The following SCUBE1 variants were observed in gnomAD, a reference collection of about 807,000 sequenced individuals.
SCUBE1 encodes signal peptide, CUB and EGF-like domain-containing protein 1.
SCUBE1 carries 59 observed loss-of-function variants against 124.4 expected under a neutral mutation model. The ratio of observed to expected loss-of-function variants is 0.47; its 90% confidence interval spans 0.38 to 0.59. The LOEUF (loss-of-function observed/expected upper bound fraction) is 0.59. Among genes scored for constraint, SCUBE1 ranks in the 20% least tolerant of loss-of-function variants. SCUBE1 has a pLI of 0.00. For missense variants in SCUBE1, 1,150 were observed against 1,371.2 expected (o/e 0.84, Z 2.55); for synonymous variants, 545 against 550.9 (o/e 0.99, Z 0.15).
At chr22:43,281,698 T>C (rs1211568021) in intron 4 of SCUBE1, among the ~76,000 whole-genome samples, 2 of 152,152 alleles carry the variant, frequency 1.3e-5, no homozygotes, top group Non-Finnish European at 2.9e-5. Context: ...TGTCCCCATA[T>C]GGGTTCCAGA....
intron 3 of SCUBE1, among the ~76,000 whole-genome samples, chr22:43,292,595 A>ACACACT (rs1394593144): frequency 2.5e-4 from 38 of 149,872 alleles, no homozygotes; most frequent in Non-Finnish European, 2.5e-4. Context: ...ACACACACAC[A>ACACACT]CTCTTCGGTG....
chr22:43,204,958 AG>A (rs1003358957), intron 21 of SCUBE1, among the ~76,000 whole-genome samples: 5 of 151,590 alleles, frequency 3.3e-5, no homozygotes, highest in African/African-American at 1.2e-4. Context: ...AAAAAAAAAA[AG>A]ATTTTATTAA....
chr22:43,206,117 C>T (rs1921261724), intron 21 of SCUBE1, among the ~76,000 whole-genome samples: 1 of 139,526 alleles, frequency 7.2e-6, no homozygotes. Context: ...TCCACCACAC[C>T]CCCACCCACT....
chr22:43,268,822 C>T (rs1472173683), intron 4 of SCUBE1, among the ~76,000 whole-genome samples: 4 of 152,258 alleles, frequency 2.6e-5, no homozygotes, highest in South Asian at 4.1e-4. Flanking sequence ...GGGAGCGACA[C>T]GCTTGTGTGT....
At chr22:43,259,925 C>T (rs1183966151) in intron 5 of SCUBE1, among the ~76,000 whole-genome samples, 1 of 152,200 alleles carries the variant, frequency 6.6e-6, no homozygotes, top group East Asian at 1.9e-4. Context: ...GGAGCCGGCA[C>T]CCTGGATGAG....
chr22:43,295,212 A>G (rs886939498), intron 3 of SCUBE1, among the ~76,000 whole-genome samples: 1 of 152,092 alleles, frequency 6.6e-6, no homozygotes, highest in African/African-American at 2.4e-5. Context: ...ACCTCTCCAA[A>G]GCCCAGTGCT....
intron 2 of SCUBE1, 99 bp from the exon 3 acceptor site, chr22:43,320,164 A>T (rs1369841482): frequency 1.4e-6 from 2 of 1,440,674 alleles, no homozygotes; most frequent in Non-Finnish European, 1.9e-6. Flanking sequence ...TTAGGGGATG[A>T]TTCAACAAGT....
chr22:43,288,927 C>T (rs1925251362), intron 4 of SCUBE1, among the ~76,000 whole-genome samples: 1 of 152,228 alleles, frequency 6.6e-6, no homozygotes, highest in South Asian at 2.1e-4. Context: ...AACCCCAGTC[C>T]TGTAGGGGAC....
chr22:43,210,960 G>C lies in SCUBE1; in HGVS notation c.2345C>G (p.Thr782Arg). Residue 782 changes from threonine (T) to arginine (R), a missense_variant, in exon 18 of 22, where the codon ACA (threonine) becomes AGA (arginine). By Grantham distance (71) the Thr-to-Arg change is moderately conservative (BLOSUM62 -1). Coordinates refer to ENST00000360835, the MANE Select transcript of SCUBE1 (RefSeq NM_173050.5). This position sits in a 1 kb window ranked among gnomAD's most constrained non-coding sequence, Gnocchi z 4.5. ...HCITCPGNTS[T>R]DFDGSTNVTH... Reference sequence around the variant, plus strand: ...GACGTTGGTGGAGCCATCGAAGTCTGTGCTGGTGTTGCCCGGACAGGTGAT... The same window carrying C: ...GACGTTGGTGGAGCCATCGAAGTCTCTGCTGGTGTTGCCCGGACAGGTGAT... 6.2e-7 allele frequency: 1 copy of C among 1,614,134 alleles called. No individual in the cohort carries two copies. The highest frequency in any genetic ancestry group is 8.5e-7 in the Non-Finnish European group (1 of 1,180,024).
At chr22:43,332,008 C>T (rs142439302) in intron 2 of SCUBE1, among the ~76,000 whole-genome samples, 9 of 152,250 alleles carry the variant, frequency 5.9e-5, no homozygotes, top group Middle Eastern at 6.8e-3. Context: ...AAAAAATGGC[C>T]GGGTGCGGTG....
At chr22:43,337,387 G>A (rs985854285) in intron 2 of SCUBE1, among the ~76,000 whole-genome samples, 16 of 152,222 alleles carry the variant, frequency 1.1e-4, no homozygotes, top group Admixed American at 3.9e-4. Context: ...GCAGAGATAG[G>A]GGGGTCAACC....
intron 10 of SCUBE1, 77 bp downstream of exon 10, chr22:43,227,297 A>T: frequency 6.6e-7 from 1 of 1,504,780 alleles, no homozygotes; most frequent in Non-Finnish European, 9.0e-7. Context: ...GCTCACCCCC[A>T]CCTCAGAAAA....
chr22:43,225,983 G>C (rs1002483576), intron 10 of SCUBE1, among the ~76,000 whole-genome samples: 14 of 152,216 alleles, frequency 9.2e-5, no homozygotes, highest in African/African-American at 3.1e-4. Flanking sequence ...TGTTCAGTGA[G>C]ACTTTGCCTG....
At chr22:43,322,895 C>T (rs1196141764) in intron 2 of SCUBE1, among the ~76,000 whole-genome samples, 1 of 152,170 alleles carries the variant, frequency 6.6e-6, no homozygotes, top group African/African-American at 2.4e-5. Context: ...TATACACCAG[C>T]CCTTTTAATT....
rs527762323 is a variant in SCUBE1 at position 43,258,909 on chromosome 22, C to T, written c.611-574G>A. ...TCAAAGCCCTAATCCTCCGGGAGCT[C>T]GGCAATGTCCGAACAGACAGACTCA... On this transcript the variant is annotated intron_variant, in intron 5 of 21. Transcript: ENST00000360835. The surrounding 1 kb of genome is among the most constrained non-coding windows in gnomAD (Gnocchi z 5.0). 2.0e-5 allele frequency among the ~76,000 whole-genome samples: 3 copies of T among 152,286 alleles called. No individual in the cohort carries two copies. Among genetic ancestry groups the T allele is most frequent in the East Asian group, 3.9e-4 (2 of 5,176 alleles).
intron 2 of SCUBE1, among the ~76,000 whole-genome samples, chr22:43,333,366 A>G (rs1031448725): frequency 6.6e-6 from 1 of 152,240 alleles, no homozygotes; most frequent in Admixed American, 6.5e-5. Flanking sequence ...TCCTGGACAC[A>G]GATGCAACAT....
intron 1 of SCUBE1, among the ~76,000 whole-genome samples, chr22:43,340,126 C>T (rs1927261257): frequency 6.6e-6 from 1 of 151,758 alleles, no homozygotes; most frequent in African/African-American, 2.4e-5. Context: ...ACGTGGGATC[C>T]CACCCTGCCC....
At chr22:43,269,045 T>C (rs1924187256) in intron 4 of SCUBE1, among the ~76,000 whole-genome samples, 2 of 152,278 alleles carry the variant, frequency 1.3e-5, no homozygotes, top group South Asian at 4.1e-4. Flanking sequence ...GGGCCCCGGC[T>C]ATACTTTCAT....
At chr22:43,246,878 G>C (rs1028986016) in intron 6 of SCUBE1, among the ~76,000 whole-genome samples, 3 of 152,088 alleles carry the variant, frequency 2.0e-5, no homozygotes, top group African/African-American at 4.8e-5. Flanking sequence ...TGGGGATGGG[G>C]GCGGGGCAGG....
Sources: allele counts gnomAD v4.1 joint callset (sites outside exome capture counted in the v4.1 genomes callset), GRCh38; gene constraint gnomAD v4.1.1; non-coding constraint Gnocchi (gnomAD v3.1); transcripts MANE v1.5; gene names NCBI Gene and HGNC (gene_info 2026-07-23, HGNC 2026-07-21).